The following PRAMEF12 variants were observed in gnomAD, a reference collection of about 807,000 sequenced individuals.
PRAMEF12 encodes PRAME family member 12.
PRAMEF12 carries 24 observed loss-of-function variants against 24.6 expected under a neutral mutation model. That is an observed-to-expected ratio of 0.98 (90% CI 0.71 to 1.37). The LOEUF (loss-of-function observed/expected upper bound fraction) is 1.37, where lower values mean the gene tolerates loss of function less well. PRAMEF12 is among the 40% of genes most tolerant of loss of function. The probability of loss-of-function intolerance (pLI) is 0.00; values close to 1 mark genes in which losing one functional copy is unlikely to be tolerated. For missense variants in PRAMEF12, 646 were observed against 580.3 expected (o/e 1.11, Z -1.16); for synonymous variants, 286 against 242.6 (o/e 1.18, Z -1.66).
At position 12,774,425 on chromosome 1, in the gene PRAMEF12, T is replaced by C. The variant is rs1163024011; in HGVS notation, c.-443T>C. ...TACAATTTTTCAAAATAAAAAATAA[T>C]GGCGCTGATTCCAAGGAGTCCCTTT... On this transcript the variant is annotated 5_prime_UTR_variant, in exon 1 of 3. It removes an upstream start codon present in the reference 5' UTR. Transcript: ENST00000357726. Among the ~76,000 whole-genome samples the C allele has an allele frequency of 6.6e-5, 10 of 152,218 alleles. No homozygotes were observed. In the East Asian group the frequency reaches 1.9e-3, roughly 29 times the overall value.
At chr1:12,776,945 A>G in intron 2 of PRAMEF12, 66 bp from the exon 3 acceptor site, 1 of 1,493,368 alleles carries the variant, frequency 6.7e-7, no homozygotes, top group East Asian at 2.3e-5. Flanking sequence ...GGTTGTGAAA[A>G]GTGTCATCTC....
rs752804007 is a variant in PRAMEF12 at position 12,775,686 on chromosome 1, C to T, written c.431C>T (p.Pro144Leu). ...TGTCCAAGGCCGGGTGGGCAGCAGC[C>T]CTTGATGGTGATCCTAGACCTTTGC... ...GNCPRPGGQQ[P>L]LMVILDLCFK... is the part of the protein sequence containing the mutation. Residue 144 changes from proline to leucine, a missense_variant, in exon 2 of 3, where the codon CCC (proline) becomes CTC (leucine). Pro to Leu is a moderately conservative substitution (Grantham distance 98, BLOSUM62 -3). Coordinates refer to ENST00000357726, the MANE Select transcript of PRAMEF12 (RefSeq NM_001080830.5). The T allele has an allele frequency of 4.3e-6, 7 of 1,613,658 alleles. No individual in the cohort carries two copies. In the South Asian group the frequency reaches 7.7e-5, roughly 18 times the overall value.
chr1:12,775,737 G>A lies in PRAMEF12; in HGVS notation c.482G>A (p.Cys161Tyr). 3 of 1,613,780 alleles carry A rather than the reference G, an allele frequency of 1.9e-6. No individual in the cohort carries two copies. Among genetic ancestry groups the A allele is most frequent in the Non-Finnish European group, 2.5e-6 (3 of 1,179,992 alleles). Residue 161 changes from cysteine (C) to tyrosine (Y), a missense_variant, in exon 2 of 3, where the codon TGC becomes TAC. By Grantham distance (194) the Cys-to-Tyr change is radical. Coordinates refer to ENST00000357726, the MANE Select transcript of PRAMEF12 (RefSeq NM_001080830.5). Reference sequence around the variant, plus strand: ...TTCAAGAATGGGACGCTGGATGAATGCCTCACCCACTTCTTAGAGTGGGGC... The same window carrying A: ...TTCAAGAATGGGACGCTGGATGAATACCTCACCCACTTCTTAGAGTGGGGC... ...LCFKNGTLDE[C>Y]LTHFLEWGKQ...
intron 2 of PRAMEF12, 40 bp from the exon 3 acceptor site, chr1:12,776,971 C>G: frequency 6.4e-7 from 1 of 1,564,812 alleles, no homozygotes; most frequent in Non-Finnish European, 8.7e-7. Flanking sequence ...TTGAGGTCTT[C>G]CCCACCACTC....
rs1223364402 is a variant in PRAMEF12 at position 12,774,104 on chromosome 1, A to G, written c.-764A>G. On this transcript the variant is annotated 5_prime_UTR_variant, in exon 1 of 3. Coordinates refer to ENST00000357726, the MANE Select transcript of PRAMEF12 (RefSeq NM_001080830.5). ...GAATTTTTATTTCGTGACATTTGAA[A>G]TAATTGGTTTTTGTGCCCTTAAATT... Among the ~76,000 whole-genome samples the G allele has an allele frequency of 6.6e-6, 1 of 152,176 alleles. No individual in the cohort carries two copies. The highest frequency in any genetic ancestry group is 1.9e-4 in the East Asian group (1 of 5,202).
Position 12,777,719 on chromosome 1 carries a change from A to AAGGG in PRAMEF12, c.*126_*129dup. The AAGGG allele has an allele frequency of 8.1e-7, 1 of 1,227,146 alleles. No individual in the cohort carries two copies. Among genetic ancestry groups the AAGGG allele is most frequent in the Non-Finnish European group, 1.1e-6 (1 of 882,120 alleles). 76.0% of individuals were successfully genotyped at this position (1,227,146 alleles called of 1,614,324 possible). A position where few individuals can be genotyped will look rare whatever the true frequency, so the allele number is the denominator to read the frequency against. ...AACCGGAAAGGAAAGGGGATGCAGG[A>AAGGG]AGGGAGGGACTGGGGGAAAAGTTGA... On this transcript the variant is annotated 3_prime_UTR_variant, in exon 3 of 3. Coordinates refer to ENST00000357726, the MANE Select transcript of PRAMEF12 (RefSeq NM_001080830.5).
At position 12,775,822 on chromosome 1, in the gene PRAMEF12, C is replaced by T. The variant is rs201375272; in HGVS notation, c.567C>T (p.Ala189=). ...AGGAGCTGCAGATTTTTGGAATAGC[C>T]ATCCACAGGATCATAGAGGTCCTGA... The part of the protein sequence containing the change: ...CCKELQIFGI[A]IHRIIEVLNT... The change falls in exon 2 of 3, where the codon GCC becomes GCT. Residue 189 remains alanine, a synonymous_variant. Coordinates refer to ENST00000357726, the MANE Select transcript of PRAMEF12 (RefSeq NM_001080830.5). 5 of 1,613,994 alleles carry T rather than the reference C, an allele frequency of 3.1e-6. No homozygotes were observed. Among genetic ancestry groups the T allele is most frequent in the Admixed American group, 1.7e-5 (1 of 60,010 alleles).
At position 12,775,526 on chromosome 1, in the gene PRAMEF12, T is replaced by G; in HGVS notation, c.288-17T>G. ...ATCCTTCCTAAATTTGGAGCCTCTC[T>G]TCTCTTTTACCCACAGGCGGTGGAA... On this transcript the variant is annotated splice_polypyrimidine_tract_variant and intron_variant, in intron 1 of 2. Transcript: ENST00000357726. 6.3e-7 allele frequency: 1 copy of G among 1,590,412 alleles called. No individual in the cohort carries two copies. The highest frequency in any genetic ancestry group is 8.6e-7 in the Non-Finnish European group (1 of 1,168,070).
At position 12,775,858 on chromosome 1, in the gene PRAMEF12, G is replaced by A. The variant is rs267597968; in HGVS notation, c.603G>A (p.Glu201=). 1 of 1,614,078 alleles carries A rather than the reference G, an allele frequency of 6.2e-7. No individual in the cohort carries two copies. The change falls in exon 2 of 3, where the codon GAG becomes GAA. Residue 201 remains glutamate (E), a synonymous_variant. Coordinates refer to ENST00000357726, the MANE Select transcript of PRAMEF12 (RefSeq NM_001080830.5). ...HRIIEVLNTV[E]LDCIQEVEVC... is the part of the protein sequence containing the mutation. Reference sequence around the variant, plus strand: ...TCATAGAGGTCCTGAACACGGTGGAGCTAGACTGTATCCAGGAGGTGGAAG... The same window carrying A: ...TCATAGAGGTCCTGAACACGGTGGAACTAGACTGTATCCAGGAGGTGGAAG...
chr1:12,776,056 C>G lies in PRAMEF12; in HGVS notation c.801C>G (p.Tyr267Ter). Residue 267 changes from tyrosine (Y) to a stop codon, truncating the protein, a stop_gained, in exon 2 of 3, where the codon TAC becomes TAG. Transcript: ENST00000357726. LOFTEE classifies it high-confidence loss of function. ...QFTSQFLKLD[Y>*]FQKLYMHSVS... ...CCTCTCAGTTCCTCAAGCTGGACTA[C>G]TTCCAGAAGCTTTACATGCACTCTG... 6 of 1,614,192 alleles carry G rather than the reference C, an allele frequency of 3.7e-6. No homozygotes were observed. The highest frequency in any genetic ancestry group is 5.1e-6 in the Non-Finnish European group (6 of 1,180,038).
rs370989643 is a variant in PRAMEF12 at position 12,775,907 on chromosome 1, A to G, written c.652A>G (p.Ile218Val). Residue 218 changes from isoleucine (I) to valine (V), a missense_variant, in exon 2 of 3, where the codon ATT (isoleucine) becomes GTT (valine). Physicochemically the swap from Ile to Val is conservative, Grantham distance 29. Coordinates refer to ENST00000357726, the MANE Select transcript of PRAMEF12 (RefSeq NM_001080830.5). ...AGTGTGCTGCCCGTGGGAGCTGTCC[A>G]TTCTTATAAGGTTCGCCCCTTACCT... The part of the protein sequence containing the change: ...VEVCCPWELS[I>V]LIRFAPYLGQ... 2 of 1,614,030 alleles carry G rather than the reference A, an allele frequency of 1.2e-6. No homozygotes were observed. The highest frequency in any genetic ancestry group is 1.3e-5 in the African/African-American group (1 of 74,980).
At position 12,775,902 on chromosome 1, in the gene PRAMEF12, T is replaced by C. The variant is rs577355498; in HGVS notation, c.647T>C (p.Leu216Pro). ...GTGGAAGTGTGCTGCCCGTGGGAGCTGTCCATTCTTATAAGGTTCGCCCCT... is the reference window on the plus strand; with the variant it reads ...GTGGAAGTGTGCTGCCCGTGGGAGCCGTCCATTCTTATAAGGTTCGCCCCT... ...QEVEVCCPWE[L>P]SILIRFAPYL... The change falls in exon 2 of 3, where the codon CTG (leucine) becomes CCG (proline). Residue 216 changes from leucine (L) to proline (P), a missense_variant. Coordinates refer to ENST00000357726, the MANE Select transcript of PRAMEF12 (RefSeq NM_001080830.5). 1 of 1,614,098 alleles carries C rather than the reference T, an allele frequency of 6.2e-7. No homozygotes were observed. Among genetic ancestry groups the C allele is most frequent in the East Asian group, 2.2e-5 (1 of 44,860 alleles).
chr1:12,777,562 G>C lies in PRAMEF12; in HGVS notation c.1415G>C (p.Cys472Ser). 3 of 1,607,356 alleles carry C rather than the reference G, an allele frequency of 1.9e-6. No individual in the cohort carries two copies. The highest frequency in any genetic ancestry group is 2.2e-5 in the East Asian group (1 of 44,650). Residue 472 changes from cysteine (C) to serine (S), a missense_variant, in exon 3 of 3, where the codon TGT becomes TCT. Coordinates refer to ENST00000357726, the MANE Select transcript of PRAMEF12 (RefSeq NM_001080830.5). ...RASYDLEPSHCLLNACCQGGF... is the reference protein window; with the variant it reads ...RASYDLEPSHSLLNACCQGGF... ...TCCTATGACCTGGAGCCCAGTCACT[G>C]TCTGTTGAATGCCTGCTGTCAGGGT... is the stretch of plus-strand genomic sequence containing the variant.
At chr1:12,776,252 A>T in intron 2 of PRAMEF12, 134 bp downstream of exon 2, 1 of 933,830 alleles carries the variant, frequency 1.1e-6, no homozygotes, top group Non-Finnish European at 1.7e-6. Flanking sequence ...ATGTCCATGC[A>T]TTGTCCTGTT....
At position 12,777,321 on chromosome 1, in the gene PRAMEF12, G is replaced by T. The variant is rs781673763; in HGVS notation, c.1174G>T (p.Ala392Ser). 1.2e-6 allele frequency: 2 copies of T among 1,613,018 alleles called. No homozygotes were observed. Among genetic ancestry groups the T allele is most frequent in the South Asian group, 2.2e-5 (2 of 91,030 alleles). Residue 392 changes from alanine to serine, a missense_variant, in exon 3 of 3, where the codon GCC (alanine) becomes TCC (serine). Transcript: ENST00000357726. The part of the protein sequence containing the change: ...SFCGNLISMA[A>S]LENLLRHTVG... Reference sequence around the variant, plus strand: ...CTGTGGGAACCTCATCTCCATGGCCGCCCTGGAGAACCTGCTGCGCCACAC... The same window carrying T: ...CTGTGGGAACCTCATCTCCATGGCCTCCCTGGAGAACCTGCTGCGCCACAC...
At position 12,775,831 on chromosome 1, in the gene PRAMEF12, G is replaced by C. The variant is rs1639042765; in HGVS notation, c.576G>C (p.Arg192Ser). 6.2e-6 allele frequency: 10 copies of C among 1,613,950 alleles called. No homozygotes were observed. The highest frequency in any genetic ancestry group is 8.5e-6 in the Non-Finnish European group (10 of 1,180,030). The part of the protein sequence containing the change: ...ELQIFGIAIH[R>S]IIEVLNTVEL... ...AGATTTTTGGAATAGCCATCCACAGGATCATAGAGGTCCTGAACACGGTGG... is the reference window on the plus strand; with the variant it reads ...AGATTTTTGGAATAGCCATCCACAGCATCATAGAGGTCCTGAACACGGTGG... The change falls in exon 2 of 3, where the codon AGG becomes AGC. Residue 192 changes from arginine (R) to serine (S), a missense_variant. By Grantham distance (110) the Arg-to-Ser change is moderately radical. Transcript: ENST00000357726.
rs374570423 is a variant in PRAMEF12, at chr1:12,775,824, T to G, written c.569T>G (p.Ile190Ser). 3 of 1,614,012 alleles carry G rather than the reference T, an allele frequency of 1.9e-6. No individual in the cohort carries two copies. The Admixed American group carries it at 5.0e-5, about 27-fold the overall frequency. ...GAGCTGCAGATTTTTGGAATAGCCA[T>G]CCACAGGATCATAGAGGTCCTGAAC... ...CKELQIFGIA[I>S]HRIIEVLNTV... The change falls in exon 2 of 3, where the codon ATC becomes AGC. Residue 190 changes from isoleucine to serine, a missense_variant. Transcript: ENST00000357726.
In PRAMEF12 at chr1:12,775,672, G is replaced by C. The variant is rs367677322; in HGVS notation, c.417G>C (p.Pro139=). 6.2e-7 allele frequency: 1 copy of C among 1,613,952 alleles called. No homozygotes were observed. Among genetic ancestry groups the C allele is most frequent in the Non-Finnish European group, 8.5e-7 (1 of 1,179,988 alleles). Reference sequence around the variant, plus strand: ...GAACAGCAGGGAACTGTCCAAGGCCGGGTGGGCAGCAGCCCTTGATGGTGA... The same window carrying C: ...GAACAGCAGGGAACTGTCCAAGGCCCGGTGGGCAGCAGCCCTTGATGGTGA... ...KRRTAGNCPR[P]GGQQPLMVIL... The change falls in exon 2 of 3, where the codon CCG becomes CCC. Residue 139 remains proline (P), a synonymous_variant. Transcript: ENST00000357726.
chr1:12,775,955 A>G lies in PRAMEF12; in HGVS notation c.700A>G (p.Lys234Glu). 1.9e-6 allele frequency: 3 copies of G among 1,614,120 alleles called. No individual in the cohort carries two copies. Among genetic ancestry groups the G allele is most frequent in the Non-Finnish European group, 2.5e-6 (3 of 1,180,016 alleles). ...PYLGQMRNLR[K>E]LVLFNIHVSA... is the part of the protein sequence containing the mutation. ...CCTGGGCCAGATGAGGAATCTCCGCAAACTTGTTCTCTTCAACATCCATGT... is the reference window on the plus strand; with the variant it reads ...CCTGGGCCAGATGAGGAATCTCCGCGAACTTGTTCTCTTCAACATCCATGT... Residue 234 changes from lysine to glutamate, a missense_variant, in exon 2 of 3, where the codon AAA (lysine) becomes GAA (glutamate). Lys to Glu is a moderately conservative substitution (Grantham distance 56). Transcript: ENST00000357726.
Sources: allele counts gnomAD v4.1 joint callset (sites outside exome capture counted in the v4.1 genomes callset), GRCh38; gene constraint gnomAD v4.1.1; transcripts MANE v1.5; gene names NCBI Gene and HGNC (gene_info 2026-07-23, HGNC 2026-07-21).